Variants in RB1 observed in about 807,000 individuals in gnomAD.
RB1 encodes retinoblastoma-associated protein.
Under a neutral mutation model 135.4 loss-of-function variants are expected in RB1, and 18 were observed. That is an observed-to-expected ratio of 0.13 (90% CI 0.09 to 0.20). RB1 has a LOEUF of 0.20. Among genes scored for constraint, RB1 ranks in the 10% least tolerant of loss-of-function variants. RB1 has a pLI of 1.00. For synonymous variants in RB1, 365 were observed against 373.2 expected, an observed-to-expected ratio of 0.98 and a Z score of 0.25; for missense variants, 868 against 1,110.0, an observed-to-expected ratio of 0.78 and a Z score of 3.10.
At chr13:48,390,330 C>T (rs1948601261) in intron 17 of RB1, among the ~76,000 whole-genome samples, 1 of 152,154 alleles carries the variant, frequency 6.6e-6, no homozygotes, top group African/African-American at 2.4e-5. Flanking sequence ...AGAGTTGTTT[C>T]ACCTTAGAAT....
rs147635961 is a variant in RB1 at position 48,368,810 on chromosome 13, G to C, written c.1127+206G>C. On this transcript the variant is annotated intron_variant, in intron 11 of 26. Coordinates refer to ENST00000267163, the MANE Select transcript of RB1 (RefSeq NM_000321.3). ...CACCTGAGGTTAGGAGTTTGAGACC[G>C]GCCTGGCCAACATGGTGAAACCCCG... Among the ~76,000 whole-genome samples the C allele has an allele frequency of 5.3e-5, 8 of 151,958 alleles. No homozygotes were observed. The South Asian group carries it at 1.7e-3, about 32-fold the overall frequency.
intron 5 of RB1, 28 bp downstream of exon 5, chr13:48,347,891 C>T (rs2138091818): frequency 6.5e-7 from 1 of 1,536,860 alleles, no homozygotes. Flanking sequence ...TGTTATTTTT[C>T]ACTTAAAAAA....
intron 23 of RB1, among the ~76,000 whole-genome samples, chr13:48,465,681 G>A (rs1400284351): frequency 6.6e-6 from 1 of 151,416 alleles, no homozygotes; most frequent in African/African-American, 2.4e-5. Context: ...CAGACAGTGG[G>A]CGCAGGCCAG....
At position 48,480,924 on chromosome 13, in the gene RB1, T is replaced by C; in HGVS notation, c.*853T>C. 1 of 228,990 alleles carries C rather than the reference T, an allele frequency of 4.4e-6. No individual in the cohort carries two copies. Among genetic ancestry groups the C allele is most frequent in the East Asian group, 6.3e-5 (1 of 15,816 alleles). The allele number at this position is 228,990 out of a possible 1,614,324, so 14.2% of individuals were successfully genotyped here. On this transcript the variant is annotated 3_prime_UTR_variant, in exon 27 of 27. Transcript: ENST00000267163. ...AAAGTGTTCTGCCAGATCTTAGGTATAGAGGACCCTAACACAGTATATCCC... is the reference window on the plus strand; with the variant it reads ...AAAGTGTTCTGCCAGATCTTAGGTACAGAGGACCCTAACACAGTATATCCC...
chr13:48,478,622 G>A (rs911668830), intron 26 of RB1, among the ~76,000 whole-genome samples: 12 of 152,164 alleles, frequency 7.9e-5, no homozygotes, highest in African/African-American at 2.7e-4. Flanking sequence ...CTATGATGGC[G>A]AGCTTCCTCT....
intron 17 of RB1, among the ~76,000 whole-genome samples, chr13:48,447,883 C>A (rs74077619): frequency 0.012 from 1,875 of 152,206 alleles, 31 homozygotes; most frequent in African/African-American, 0.042. Context: ...CCACCTTAAT[C>A]CTTGGAAGAG....
At chr13:48,442,057 A>G (rs548893182) in intron 17 of RB1, among the ~76,000 whole-genome samples, 2 of 152,298 alleles carry the variant, frequency 1.3e-5, no homozygotes, top group Admixed American at 1.3e-4. Context: ...CACTCCTTCT[A>G]CATCTACAAA....
intron 17 of RB1, chr13:48,444,923 T>A (rs1315439874): frequency 1.3e-5 from 2 of 152,096 alleles, no homozygotes; most frequent in Non-Finnish European, 2.9e-5. Flanking sequence ...AACACAACAG[T>A]TTTTATATAT....
chr13:48,343,648 A>C (rs1284837834), intron 3 of RB1, among the ~76,000 whole-genome samples: 2 of 152,162 alleles, frequency 1.3e-5, no homozygotes, highest in Non-Finnish European at 2.9e-5. Flanking sequence ...GTAACAATTC[A>C]GTTTTCATGG....
chr13:48,354,562 T>A (rs1952574362), intron 6 of RB1, among the ~76,000 whole-genome samples: 2 of 152,154 alleles, frequency 1.3e-5, no homozygotes, highest in Admixed American at 1.3e-4. Flanking sequence ...AATGACATTC[T>A]TCACAGAAAT....
At chr13:48,346,551 T>C (rs1952500515) in intron 4 of RB1, among the ~76,000 whole-genome samples, 1 of 150,350 alleles carries the variant, frequency 6.7e-6, no homozygotes, top group African/African-American at 2.4e-5. Context: ...GTTTTTTTGG[T>C]ACAATATTAT....
intron 19 of RB1, among the ~76,000 whole-genome samples, chr13:48,458,293 G>A (rs75026442): frequency 6.6e-6 from 1 of 152,164 alleles, no homozygotes; most frequent in South Asian, 2.1e-4. Flanking sequence ...CTCTGAGTGT[G>A]TATATATGGT....
intron 6 of RB1, among the ~76,000 whole-genome samples, chr13:48,353,171 A>T (rs1307467450): frequency 6.6e-6 from 1 of 152,126 alleles, no homozygotes; most frequent in Non-Finnish European, 1.5e-5. Context: ...GTGTTTTTTT[A>T]AAAAGTTAAA....
chr13:48,367,787 T>C (rs574994237), intron 10 of RB1, among the ~76,000 whole-genome samples, 184 bp downstream of exon 10: 1 of 152,294 alleles, frequency 6.6e-6, no homozygotes, highest in Admixed American at 6.5e-5. Flanking sequence ...CAAATATAGA[T>C]TTAATGTGAA....
At chr13:48,320,130 C>A in intron 2 of RB1, 1 of 784,122 alleles carries the variant, frequency 1.3e-6, no homozygotes. Flanking sequence ...AATCTAGCAC[C>A]AACGGGCCAA....
In RB1 at chr13:48,460,211, CG is replaced by C. The variant is rs1949396347; in HGVS notation, c.2106+379del. ...CTCAAACTCCTGACCTCAGGTGATCCGTCTACCTAAGGCCTCCCAAAGTGTT... is the reference window on the plus strand; with the variant it reads ...CTCAAACTCCTGACCTCAGGTGATCCTCTACCTAAGGCCTCCCAAAGTGTT... On this transcript the variant is annotated intron_variant, in intron 20 of 26. Transcript: ENST00000267163. Among the ~76,000 whole-genome samples the C allele has an allele frequency of 2.0e-5, 3 of 151,744 alleles. No individual in the cohort carries two copies. In the South Asian group the frequency reaches 6.3e-4, roughly 32 times the overall value.
At chr13:48,320,819 A>C (rs1952228702) in intron 2 of RB1, among the ~76,000 whole-genome samples, 1 of 150,988 alleles carries the variant, frequency 6.6e-6, no homozygotes, top group Non-Finnish European at 1.5e-5. Context: ...TGACAGAGCG[A>C]GACTCCGTCT....
rs373623059 is a variant in RB1, at chr13:48,373,440, T to G, written c.1163T>G (p.Ile388Ser). The part of the protein sequence containing the change: ...VMNTIQQLMM[I>S]LNSASDQPSE... ...AACACTATCCAACAATTAATGATGA[T>G]TTTAAATTCAGCAAGTGATCAACCT... Residue 388 changes from isoleucine (I) to serine (S), a missense_variant, in exon 12 of 27, where the codon ATT becomes AGT. This residue lies in a region of RB1 where 641 missense variants were observed against 791.3 expected (regional missense o/e 0.81). Coordinates refer to ENST00000267163, the MANE Select transcript of RB1 (RefSeq NM_000321.3). 1.4e-5 allele frequency: 22 copies of G among 1,598,892 alleles called. No individual in the cohort carries two copies. The highest frequency in any genetic ancestry group is 1.7e-5 in the Non-Finnish European group (20 of 1,166,556).
At chr13:48,407,101 T>C (rs1246595149) in intron 17 of RB1, among the ~76,000 whole-genome samples, 2 of 152,230 alleles carry the variant, frequency 1.3e-5, no homozygotes, top group Non-Finnish European at 2.9e-5. Flanking sequence ...CTAGCACATT[T>C]ACCCCATGGC....
Sources: gnomAD v4.1 joint callset for allele counts (sites outside exome capture counted in the v4.1 genomes callset) on GRCh38, gnomAD v4.1.1 for gene constraint, gnomAD v4.1.1 regional missense constraint, MANE v1.5 for transcripts, NCBI Gene and HGNC (gene_info 2026-07-23, HGNC 2026-07-21) for gene names.